Variants in KCNH1 observed in about 807,000 individuals in gnomAD.
KCNH1 encodes voltage-gated delayed rectifier potassium channel KCNH1.
Under a neutral mutation model 69.2 loss-of-function variants are expected in KCNH1, and 27 were observed. That is an observed-to-expected ratio of 0.39 (90% CI 0.29 to 0.54). KCNH1 has a LOEUF of 0.54. KCNH1 is among the 20% of genes least tolerant of loss of function. The pLI, the probability that KCNH1 is intolerant of heterozygous loss-of-function variation, is 0.68. For synonymous variants in KCNH1, 456 were observed against 487.7 expected (o/e 0.93, Z 0.86); for missense variants, 798 against 1,261.6 (o/e 0.63, Z 5.57).
rs4951678 is a variant in KCNH1 at position 210,862,108 on chromosome 1, T to G, written c.1462+57532A>C. 4.6e-6 allele frequency: 5 copies of G among 1,090,228 alleles called. No individual in the cohort carries two copies. The Admixed American group carries it at 6.8e-5, about 15-fold the overall frequency. 67.5% of individuals were successfully genotyped at this position (1,090,228 alleles called of 1,614,324 possible). On this transcript the variant is annotated intron_variant, in intron 7 of 10. Transcript: ENST00000271751. ...CCAATACTGTGTTATATTTTTCAAA[T>G]AGATAACACCTGCCTGTCTCACAGG...
intron 6 of KCNH1, among the ~76,000 whole-genome samples, chr1:211,000,956 C>T (rs1293441623): frequency 1.3e-5 from 2 of 151,898 alleles, no homozygotes; most frequent in Non-Finnish European, 2.9e-5. Context: ...AACTGGCTAG[C>T]CATATGTAGA....
chr1:210,876,805 T>A (rs865799093), intron 7 of KCNH1, among the ~76,000 whole-genome samples: 5 of 152,146 alleles, frequency 3.3e-5, no homozygotes, highest in Admixed American at 2.6e-4. Flanking sequence ...AGTTTTCTCA[T>A]GGAAACGCTT....
At chr1:211,039,904 T>C (rs551809244) in intron 5 of KCNH1, among the ~76,000 whole-genome samples, 1 of 152,068 alleles carries the variant, frequency 6.6e-6, no homozygotes, top group South Asian at 2.1e-4. Context: ...AGTTAAGACT[T>C]CAGGGCTGGG....
chr1:210,748,694 G>T (rs1683217869), intron 10 of KCNH1, among the ~76,000 whole-genome samples: 1 of 152,206 alleles, frequency 6.6e-6, no homozygotes, highest in African/African-American at 2.4e-5. Flanking sequence ...GCCCATGCCA[G>T]GCAGGCATCA....
At chr1:211,112,510 A>C (rs200986310) in intron 1 of KCNH1, among the ~76,000 whole-genome samples, 26,385 of 150,054 alleles carry the variant, frequency 0.18, 2,596 homozygotes, top group African/African-American at 0.26. Context: ...ATAAAAAAAA[A>C]AAAAAAAAAA....
intron 5 of KCNH1, among the ~76,000 whole-genome samples, chr1:211,077,761 T>A (rs1168907720): frequency 3.3e-5 from 5 of 152,044 alleles, no homozygotes; most frequent in Non-Finnish European, 5.9e-5. Context: ...CATAACAATA[T>A]TAACCTTAAA....
chr1:210,720,910 G>T (rs61069092), intron 10 of KCNH1, among the ~76,000 whole-genome samples: 87 of 152,284 alleles, frequency 5.7e-4, no homozygotes, highest in African/African-American at 2.1e-3. Flanking sequence ...TGTCATGCAT[G>T]ATATGACAGT....
At chr1:210,867,378 T>C (rs888431168) in intron 7 of KCNH1, among the ~76,000 whole-genome samples, 4 of 151,130 alleles carry the variant, frequency 2.6e-5, no homozygotes, top group East Asian at 1.9e-4. Flanking sequence ...TATATATATA[T>C]GTGTCCAAAG....
In KCNH1 at chr1:210,681,214, C is replaced by G. The variant is rs1681257369; in HGVS notation, c.*2067G>C. On this transcript the variant is annotated 3_prime_UTR_variant, in exon 11 of 11. Transcript: ENST00000271751. Reference sequence around the variant, plus strand: ...TAGGGGGCAGCCAACAGATGGGATTCCAGATATTTTACGGCCTCTTACCCA... The same window carrying G: ...TAGGGGGCAGCCAACAGATGGGATTGCAGATATTTTACGGCCTCTTACCCA... The G allele has an allele frequency of 6.6e-6, 1 of 152,328 alleles. No homozygotes were observed. The highest frequency in any genetic ancestry group is 2.4e-5 in the African/African-American group (1 of 41,570). The allele number at this position is 152,328 out of a possible 1,614,324, so 9.4% of individuals were successfully genotyped here.
In KCNH1 at chr1:211,070,307, A is replaced by G. The variant is rs141126086; in HGVS notation, c.558+12473T>C. Among the ~76,000 whole-genome samples, 44 of 151,880 alleles carry G rather than the reference A, an allele frequency of 2.9e-4. No individual in the cohort carries two copies. In the East Asian group the frequency reaches 8.6e-3, roughly 30 times the overall value. On this transcript the variant is annotated intron_variant, in intron 5 of 10. Coordinates refer to ENST00000271751, the MANE Select transcript of KCNH1 (RefSeq NM_172362.3). The stretch of plus-strand genomic sequence containing the variant: ...GTGGTGAGCGCCTGTAGTCCCAGCT[A>G]CTCGGGAGGCTGAGGCAGGAGAATG...
intron 7 of KCNH1, among the ~76,000 whole-genome samples, chr1:210,805,022 AG>A: frequency 6.6e-6 from 1 of 152,218 alleles, no homozygotes; most frequent in Non-Finnish European, 1.5e-5. Context: ...GCTGAGCTCA[AG>A]AGCCACTGCT....
At chr1:211,001,449 C>G (rs1436170778) in intron 6 of KCNH1, among the ~76,000 whole-genome samples, 3 of 152,164 alleles carry the variant, frequency 2.0e-5, no homozygotes, top group Non-Finnish European at 4.4e-5. Flanking sequence ...AAATGCAAAT[C>G]AAAACCACAA....
intron 10 of KCNH1, among the ~76,000 whole-genome samples, chr1:210,763,045 C>T (rs971742078): frequency 1.6e-4 from 24 of 152,090 alleles, no homozygotes; most frequent in Non-Finnish European, 8.8e-5. Context: ...GGGCTTTATT[C>T]CTGGGATGCA....
intron 7 of KCNH1, among the ~76,000 whole-genome samples, chr1:210,917,204 GGACA>G (rs1233290205): frequency 2.7e-4 from 12 of 44,406 alleles, no homozygotes; most frequent in Non-Finnish European, 5.1e-4. Context: ...AGAAAGAAAG[GGACA>G]GAGAGAGAGA....
At position 210,816,377 on chromosome 1, in the gene KCNH1, G is replaced by A. The variant is rs115956492; in HGVS notation, c.1463-12211C>T. 6.4e-3 allele frequency among the ~76,000 whole-genome samples: 980 copies of A among 152,256 alleles called. 11 individuals are homozygous for A. Among genetic ancestry groups the A allele is most frequent in the African/African-American group, 0.022 (934 of 41,532 alleles). On this transcript the variant is annotated intron_variant, in intron 7 of 10. Transcript: ENST00000271751. ...ATAAAACAACAGCTCCTGCTCCACGGTAACCCATTAACAATGCAGTCTGTG... is the reference window on the plus strand; with the variant it reads ...ATAAAACAACAGCTCCTGCTCCACGATAACCCATTAACAATGCAGTCTGTG...
chr1:210,756,077 C>T (rs1432978047), intron 10 of KCNH1, among the ~76,000 whole-genome samples: 1 of 152,166 alleles, frequency 6.6e-6, no homozygotes, highest in African/African-American at 2.4e-5. Flanking sequence ...GTTAAGATTT[C>T]CAATATTTTA....
chr1:210,972,079 G>T (rs1345514906), intron 6 of KCNH1, among the ~76,000 whole-genome samples: 1 of 152,078 alleles, frequency 6.6e-6, no homozygotes, highest in Non-Finnish European at 1.5e-5. Flanking sequence ...TTCTATTTAT[G>T]CTACATTGGT....
At chr1:210,691,799 A>C (rs893242723) in intron 10 of KCNH1, among the ~76,000 whole-genome samples, 1 of 152,238 alleles carries the variant, frequency 6.6e-6, no homozygotes, top group Non-Finnish European at 1.5e-5. Context: ...TGGACCAATG[A>C]CTTAGGGTGA....
intron 7 of KCNH1, among the ~76,000 whole-genome samples, chr1:210,870,557 T>A (rs890444318): frequency 6.6e-6 from 1 of 152,202 alleles, no homozygotes; most frequent in African/African-American, 2.4e-5. Context: ...AGCTTCAGCC[T>A]CTGTTAATCA....
Sources: allele counts gnomAD v4.1 joint callset (sites outside exome capture counted in the v4.1 genomes callset), GRCh38; gene constraint gnomAD v4.1.1; transcripts MANE v1.5; gene names NCBI Gene and HGNC (gene_info 2026-07-23, HGNC 2026-07-21).